The following PTPRM variants were observed in gnomAD, a reference collection of about 807,000 sequenced individuals.
PTPRM encodes protein tyrosine phosphatase receptor type M.
A neutral mutation model predicts 186.7 loss-of-function variants in PTPRM; 47 were observed. The ratio of observed to expected loss-of-function variants is 0.25; its 90% CI spans 0.20 to 0.32. The LOEUF (loss-of-function observed/expected upper bound fraction) is 0.32. Ranked by LOEUF, PTPRM falls within the 10% of genes least tolerant of loss-of-function variation. The pLI, the probability that PTPRM is intolerant of heterozygous loss-of-function variation, is 1.00. For synonymous variants in PTPRM, 668 were observed against 674.9 expected, an observed-to-expected ratio of 0.99 and a Z score of 0.16; for missense variants, 1,494 against 1,865.0, an observed-to-expected ratio of 0.80 and a Z score of 3.66.
At chr18:8,270,533 T>C (rs1057191999) in intron 19 of PTPRM, 1 of 152,030 alleles carries the variant, frequency 6.6e-6, no homozygotes, top group African/African-American at 2.4e-5. Context: ...AATAGAAGCA[T>C]CTTAAAGAGA....
intron 1 of PTPRM, among the ~76,000 whole-genome samples, chr18:7,727,202 G>C (rs1484050177): frequency 4.0e-5 from 6 of 151,628 alleles, no homozygotes; most frequent in Admixed American, 1.3e-4. Context: ...TTGAATGGAG[G>C]GTCCATGACT....
intron 5 of PTPRM, among the ~76,000 whole-genome samples, chr18:7,940,730 A>G (rs185453302): frequency 2.3e-4 from 35 of 151,700 alleles, no homozygotes; most frequent in African/African-American, 8.0e-4. Flanking sequence ...CAAAATCTAT[A>G]ATCAGAAAGT....
At chr18:8,026,518 T>C (rs1472028260) in intron 7 of PTPRM, among the ~76,000 whole-genome samples, 1 of 152,150 alleles carries the variant, frequency 6.6e-6, no homozygotes, top group Non-Finnish European at 1.5e-5. Context: ...TAGTATGTAG[T>C]ATATTATTTC....
intron 7 of PTPRM, among the ~76,000 whole-genome samples, chr18:8,048,719 T>C (rs1011431446): frequency 5.9e-5 from 9 of 152,214 alleles, no homozygotes; most frequent in African/African-American, 1.9e-4. Context: ...GAAAACTATC[T>C]AATCATAAGA....
At chr18:7,866,147 A>T (rs2047678929) in intron 2 of PTPRM, among the ~76,000 whole-genome samples, 1 of 151,954 alleles carries the variant, frequency 6.6e-6, no homozygotes, top group Middle Eastern at 3.4e-3. Context: ...TCCTGGATTC[A>T]TTGATTTTTT....
chr18:8,397,673 C>T (rs574548505), intron 32 of PTPRM, among the ~76,000 whole-genome samples: 89 of 152,280 alleles, frequency 5.8e-4, no homozygotes, highest in African/African-American at 1.6e-3. Context: ...AGATTCCCCA[C>T]GACTCGCCTA....
chr18:7,728,665 C>T (rs1263079252), intron 1 of PTPRM, among the ~76,000 whole-genome samples: 1 of 152,218 alleles, frequency 6.6e-6, no homozygotes, highest in Non-Finnish European at 1.5e-5. Context: ...ACCAGCAGTC[C>T]GGTCTTCAGC....
chr18:7,884,823 C>T (rs2048690799), intron 2 of PTPRM, among the ~76,000 whole-genome samples: 1 of 143,648 alleles, frequency 7.0e-6, no homozygotes, highest in Non-Finnish European at 1.5e-5. Context: ...ACTCAGGAGG[C>T]TGAGGCAGGA....
intron 1 of PTPRM, among the ~76,000 whole-genome samples, chr18:7,669,389 A>G (rs1269673387): frequency 6.6e-6 from 1 of 152,098 alleles, no homozygotes; most frequent in Non-Finnish European, 1.5e-5. Flanking sequence ...CTTGTGTTTA[A>G]CTGAGAGGGT....
At chr18:8,371,140 G>GA in intron 24 of PTPRM, 134 bp downstream of exon 24, 2 of 513,206 alleles carry the variant, frequency 3.9e-6, no homozygotes, top group Non-Finnish European at 6.9e-6. Flanking sequence ...GGTTTCTCAA[G>GA]ATTGCATCTT....
At chr18:7,934,524 T>G (rs538669397) in intron 5 of PTPRM, among the ~76,000 whole-genome samples, 7 of 152,348 alleles carry the variant, frequency 4.6e-5, no homozygotes, top group African/African-American at 1.7e-4. Flanking sequence ...GTTTCACTGA[T>G]CTACCATAGA....
At chr18:8,320,682 C>T (rs528868905) in intron 22 of PTPRM, among the ~76,000 whole-genome samples, 19 of 152,248 alleles carry the variant, frequency 1.2e-4, no homozygotes, top group African/African-American at 4.3e-4. Flanking sequence ...TGATCCTGCC[C>T]CATGCCCACA....
In PTPRM at chr18:7,698,710, C is replaced by T. The variant is rs559800838; in HGVS notation, c.74-75439C>T. ...CCAATGTGATTGTAAAAATTTTACT[C>T]CCTCAACAGTGTAAGAGTGTTTTGG... On this transcript the variant is annotated intron_variant, in intron 1 of 32. Coordinates refer to ENST00000580170, the MANE Select transcript of PTPRM (RefSeq NM_001105244.2). Among the ~76,000 whole-genome samples, 48 of 152,222 alleles carry T rather than the reference C, an allele frequency of 3.2e-4. 1 individual carries two copies. The South Asian group carries it at 9.8e-3, about 31-fold the overall frequency.
At chr18:7,988,860 C>T (rs2083110567) in intron 7 of PTPRM, among the ~76,000 whole-genome samples, 2 of 152,006 alleles carry the variant, frequency 1.3e-5, no homozygotes, top group Non-Finnish European at 1.5e-5. Context: ...TTGAATAATG[C>T]TACTATGAAC....
intron 1 of PTPRM, among the ~76,000 whole-genome samples, chr18:7,666,479 A>G (rs1568015965): frequency 6.6e-6 from 1 of 152,186 alleles, no homozygotes; most frequent in Non-Finnish European, 1.5e-5. Context: ...GTCTTAGCTA[A>G]CTGTTCTCTT....
intron 7 of PTPRM, among the ~76,000 whole-genome samples, chr18:8,063,286 A>G (rs1206922222): frequency 2.0e-5 from 3 of 150,938 alleles, no homozygotes; most frequent in African/African-American, 7.4e-5. Flanking sequence ...TGCGCTTCCC[A>G]GGTGAGGCAA....
chr18:8,372,790 A>G (rs2095671310), intron 24 of PTPRM, among the ~76,000 whole-genome samples: 1 of 152,046 alleles, frequency 6.6e-6, no homozygotes, highest in Non-Finnish European at 1.5e-5. Context: ...TAACCGCATT[A>G]AAACAGCGAT....
chr18:8,289,471 C>CGT lies in PTPRM; in HGVS notation c.2755-6897_2755-6896insGT, dbSNP rs1397296107. ...ATATATGTATATACATATATATACA[C>CGT]ACATATGTATATATATACATATATG... On this transcript the variant is annotated intron_variant, in intron 19 of 32. Coordinates refer to ENST00000580170, the MANE Select transcript of PTPRM (RefSeq NM_001105244.2). Among the ~76,000 whole-genome samples the CGT allele has an allele frequency of 1.4e-3, 100 of 72,236 alleles. 5 individuals are homozygous for CGT. The highest frequency in any genetic ancestry group is 5.5e-4 in the Non-Finnish European group (21 of 37,906). The allele number at this position is 72,236 out of a possible 152,430, so 47.4% of individuals were successfully genotyped here.
chr18:7,629,949 T>C (rs985231478), intron 1 of PTPRM, among the ~76,000 whole-genome samples: 1 of 152,060 alleles, frequency 6.6e-6, no homozygotes, highest in African/African-American at 2.4e-5. Flanking sequence ...GGAGGTTTTT[T>C]TGGGAGCTAA....
Sources: allele counts gnomAD v4.1 joint callset (sites outside exome capture counted in the v4.1 genomes callset), GRCh38; gene constraint gnomAD v4.1.1; transcripts MANE v1.5; gene names NCBI Gene and HGNC (gene_info 2026-07-23, HGNC 2026-07-21).